Variants in CLSTN2 observed in about 807,000 individuals in gnomAD.
CLSTN2 encodes calsyntenin 2, also known as calsyntenin-2.
A neutral mutation model predicts 101.2 loss-of-function variants in CLSTN2; 48 were observed. The ratio of observed to expected loss-of-function variants is 0.47; its 90% CI spans 0.38 to 0.60. The LOEUF (loss-of-function observed/expected upper bound fraction) is 0.60. Ranked by LOEUF, CLSTN2 falls within the 20% of genes least tolerant of loss-of-function variation. The probability of loss-of-function intolerance (pLI) is 0.00; values close to 1 mark genes in which losing one functional copy is unlikely to be tolerated. For synonymous variants in CLSTN2, 481 were observed against 463.6 expected (o/e 1.04, Z -0.48); for missense variants, 1,160 against 1,238.2 (o/e 0.94, Z 0.95).
chr3:140,133,026 G>T (rs1328451978), intron 1 of CLSTN2, among the ~76,000 whole-genome samples: 2 of 152,188 alleles, frequency 1.3e-5, no homozygotes, highest in Admixed American at 1.3e-4. Flanking sequence ...TTAAAAAAGA[G>T]GTTTATTTGC....
At chr3:140,441,286 C>T (rs1258321619) in intron 5 of CLSTN2, among the ~76,000 whole-genome samples, 2 of 152,170 alleles carry the variant, frequency 1.3e-5, no homozygotes, top group Non-Finnish European at 2.9e-5. Flanking sequence ...CATTCTCTCA[C>T]AGAAGTTTTA....
chr3:140,077,176 G>A (rs562469501), intron 1 of CLSTN2, among the ~76,000 whole-genome samples: 3 of 152,310 alleles, frequency 2.0e-5, no homozygotes, highest in Non-Finnish European at 4.4e-5. Flanking sequence ...ATGCCTAAGA[G>A]AGCCTCATTG....
At chr3:140,442,521 C>A (rs1239173452) in intron 5 of CLSTN2, among the ~76,000 whole-genome samples, 6 of 152,148 alleles carry the variant, frequency 3.9e-5, no homozygotes, top group Admixed American at 3.9e-4. Context: ...GAATCTGAAT[C>A]TGTCCAGTTG....
Position 140,209,823 on chromosome 3 carries a change from G to A in CLSTN2, c.232+33750G>A, listed in dbSNP as rs192994925. On this transcript the variant is annotated intron_variant, in intron 2 of 16. Transcript: ENST00000458420. ...TCAGTTCAGGTGGTGACAGAAGAGG[G>A]CTTTTCAGTGGTTCAATTCTGAAGT... 4.6e-3 allele frequency among the ~76,000 whole-genome samples: 702 copies of A among 152,268 alleles called. 2 individuals are homozygous for A. The highest frequency in any genetic ancestry group is 6.9e-3 in the Non-Finnish European group (469 of 68,024).
rs1273985565 is a variant in CLSTN2, at chr3:140,564,007, G to C, written c.2529G>C (p.Met843Ile). 1 of 1,614,178 alleles carries C rather than the reference G, an allele frequency of 6.2e-7. No homozygotes were observed. The highest frequency in any genetic ancestry group is 1.3e-5 in the African/African-American group (1 of 75,046). ...TGGTCATCATCATCTCCGTGTGCAT[G>C]CTTGTGTTTGTCGTGGCCATGGGTG... is the stretch of plus-strand genomic sequence containing the variant. ...ATVVIIISVCMLVFVVAMGVY... is the reference protein window; with the variant it reads ...ATVVIIISVCILVFVVAMGVY... Residue 843 changes from methionine to isoleucine, a missense_variant, in exon 16 of 17, where the codon ATG becomes ATC. Coordinates refer to ENST00000458420, the MANE Select transcript of CLSTN2 (RefSeq NM_022131.3).
intron 2 of CLSTN2, among the ~76,000 whole-genome samples, chr3:140,244,928 G>T (rs1392222610): frequency 6.6e-6 from 1 of 152,206 alleles, no homozygotes; most frequent in African/African-American, 2.4e-5. Context: ...AAACGCCATG[G>T]CATATCATGC....
intron 2 of CLSTN2, among the ~76,000 whole-genome samples, chr3:140,396,907 C>T (rs1251528845): frequency 6.6e-6 from 1 of 152,096 alleles, no homozygotes; most frequent in Non-Finnish European, 1.5e-5. Flanking sequence ...AACAGCAGTT[C>T]TCATGTTTTT....
At chr3:140,364,886 T>C (rs1347656881) in intron 2 of CLSTN2, among the ~76,000 whole-genome samples, 1 of 152,186 alleles carries the variant, frequency 6.6e-6, no homozygotes, top group African/African-American at 2.4e-5. Context: ...CAGTGGTGAA[T>C]GAGAGAGACA....
chr3:140,320,068 C>T (rs1217556116), intron 2 of CLSTN2, among the ~76,000 whole-genome samples: 1 of 152,218 alleles, frequency 6.6e-6, no homozygotes, highest in East Asian at 1.9e-4. Flanking sequence ...AAAGTATGGC[C>T]AGGTCTGACT....
At chr3:140,007,706 T>A (rs1043651348) in intron 1 of CLSTN2, among the ~76,000 whole-genome samples, 1 of 152,192 alleles carries the variant, frequency 6.6e-6, no homozygotes, top group Non-Finnish European at 1.5e-5. Context: ...ACATACCTAC[T>A]ACAGTGTGAG....
intron 2 of CLSTN2, among the ~76,000 whole-genome samples, chr3:140,260,966 G>T (rs1439222790): frequency 6.6e-6 from 1 of 152,110 alleles, no homozygotes; most frequent in Non-Finnish European, 1.5e-5. Context: ...CAGGGGTGAG[G>T]TACCCCTTTT....
intron 1 of CLSTN2, among the ~76,000 whole-genome samples, chr3:139,936,868 T>C (rs1186314619): frequency 6.6e-6 from 1 of 152,162 alleles, no homozygotes; most frequent in Non-Finnish European, 1.5e-5. Flanking sequence ...CAGCATTTTT[T>C]TTCTTGGTGT....
At chr3:140,508,613 A>G (rs1934731347) in intron 8 of CLSTN2, 1 of 152,216 alleles carries the variant, frequency 6.6e-6, no homozygotes, top group Non-Finnish European at 1.5e-5. Flanking sequence ...TTGTGTTCAG[A>G]GAGGGAACAC....
At chr3:140,076,628 T>TTTTTTTTG (rs2008496134) in intron 1 of CLSTN2, among the ~76,000 whole-genome samples, 1 of 53,082 alleles carries the variant, frequency 1.9e-5, no homozygotes, top group Non-Finnish European at 4.8e-5. Flanking sequence ...CAGCAGTGTT[T>TTTTTTTTG]TTTTTTTTTT....
At chr3:140,131,494 C>T (rs987004645) in intron 1 of CLSTN2, among the ~76,000 whole-genome samples, 1 of 151,816 alleles carries the variant, frequency 6.6e-6, no homozygotes, top group African/African-American at 2.4e-5. Context: ...TATTTATGTC[C>T]CTTTCTATAG....
intron 1 of CLSTN2, among the ~76,000 whole-genome samples, chr3:139,950,237 C>G (rs968589712): frequency 2.0e-4 from 31 of 152,152 alleles, no homozygotes; most frequent in African/African-American, 7.0e-4. Flanking sequence ...CTTTGGCACT[C>G]TACATGGGGA....
chr3:140,421,022 C>T (rs1182693514), intron 4 of CLSTN2, 103 bp from the exon 5 acceptor site: 6 of 1,157,172 alleles, frequency 5.2e-6, no homozygotes, highest in Non-Finnish European at 7.4e-6. Context: ...GGAAAAGGGT[C>T]ACTTTCTTCC....
intron 1 of CLSTN2, among the ~76,000 whole-genome samples, chr3:139,950,440 G>T (rs779373198): frequency 6.6e-6 from 1 of 152,126 alleles, no homozygotes; most frequent in African/African-American, 2.4e-5. Flanking sequence ...TCCCTACATG[G>T]GCTGAGGTTG....
chr3:140,279,443 G>A (rs557361658), intron 2 of CLSTN2, among the ~76,000 whole-genome samples: 3 of 152,224 alleles, frequency 2.0e-5, no homozygotes, highest in South Asian at 2.1e-4. Context: ...CTGCCAAAAG[G>A]TGTTACATTG....
Sources: allele counts gnomAD v4.1 joint callset (sites outside exome capture counted in the v4.1 genomes callset), GRCh38; gene constraint gnomAD v4.1.1; transcripts MANE v1.5; gene names NCBI Gene and HGNC (gene_info 2026-07-23, HGNC 2026-07-21).